HDAC9: variants seen among roughly 807,000 people sequenced by gnomAD.
The protein encoded by HDAC9 is histone deacetylase 9.
HDAC9 carries 41 observed loss-of-function variants against 139.4 expected under a neutral mutation model. The observed-to-expected ratio is 0.29, with a 90% CI of 0.23 to 0.38. The LOEUF is 0.38. HDAC9 is among the 10% of genes least tolerant of loss of function. The pLI is 1.00. For missense variants in HDAC9, 1,147 were observed against 1,297.0 expected (o/e 0.88, Z 1.78); for synonymous variants, 517 against 476.2 (o/e 1.09, Z -1.12).
chr7:18,179,310 C>G (rs564570234), intron 2 of HDAC9, among the ~76,000 whole-genome samples: 1 of 152,208 alleles, frequency 6.6e-6, no homozygotes, highest in Non-Finnish European at 1.5e-5. Flanking sequence ...TAGTTGATTG[C>G]AAACTCTCTG....
At chr7:18,409,089 T>G (rs1455099852) in intron 1 of HDAC9, among the ~76,000 whole-genome samples, 1 of 152,194 alleles carries the variant, frequency 6.6e-6, no homozygotes, top group East Asian at 1.9e-4. Flanking sequence ...AGCCCTGGAA[T>G]GTAGTTGCCT....
chr7:18,555,783 T>C (rs1353002973), intron 2 of HDAC9, among the ~76,000 whole-genome samples: 1 of 152,118 alleles, frequency 6.6e-6, no homozygotes, highest in African/African-American at 2.4e-5. Flanking sequence ...TAAATGTTCA[T>C]TAGTAACATA....
In HDAC9 at chr7:18,207,539, CTT is replaced by C. The variant is rs56690120; in HGVS notation, c.25+45207_25+45208del. ...CTCTCACCTCATCTGCCCAAGGAGT[CTT>C]TTTTTTTTTTTTTTTTGATTTGAGC... On this transcript the variant is annotated intron_variant, in intron 2 of 12. Transcript: ENST00000417496. Among the ~76,000 whole-genome samples the C allele has an allele frequency of 1.5e-4, 8 of 53,740 alleles. 1 individual carries two copies. In the East Asian group the frequency reaches 1.9e-3, roughly 13 times the overall value. The allele number at this position is 53,740 out of a possible 152,430, so 35.3% of individuals were successfully genotyped here.
chr7:18,873,752 G>A lies in HDAC9; in HGVS notation c.2685-726G>A, dbSNP rs922071657. Among the ~76,000 whole-genome samples the A allele has an allele frequency of 2.0e-5, 3 of 152,048 alleles. 1 individual carries two copies. The highest frequency in any genetic ancestry group is 2.0e-4 in the Admixed American group (3 of 15,242). On this transcript the variant is annotated intron_variant, in intron 21 of 25. Transcript: ENST00000686413. Reference sequence around the variant, plus strand: ...GTTAAAAATTTTATAAAGCCCAGTTGCATTCATTAGTCATTCTTTCTCAAA... The same window carrying A: ...GTTAAAAATTTTATAAAGCCCAGTTACATTCATTAGTCATTCTTTCTCAAA...
At chr7:18,345,223 C>G (rs1782313528) in intron 1 of HDAC9, among the ~76,000 whole-genome samples, 2 of 151,914 alleles carry the variant, frequency 1.3e-5, no homozygotes, top group African/African-American at 2.4e-5. Flanking sequence ...AATTTTCTTT[C>G]TTCTAGATAA....
At chr7:18,790,953 C>A (rs755286446) in intron 16 of HDAC9, among the ~76,000 whole-genome samples, 1 of 152,156 alleles carries the variant, frequency 6.6e-6, no homozygotes, top group Non-Finnish European at 1.5e-5. Context: ...TGAATGTTAA[C>A]TGAATTAAAA....
intron 1 of HDAC9, among the ~76,000 whole-genome samples, chr7:18,155,934 G>A (rs1361696444): frequency 6.6e-6 from 1 of 152,184 alleles, no homozygotes; most frequent in Non-Finnish European, 1.5e-5. Flanking sequence ...CTGCATTGCT[G>A]ATGTGGCTCT....
intron 1 of HDAC9, among the ~76,000 whole-genome samples, chr7:18,474,293 G>A (rs1332995732): frequency 2.6e-5 from 4 of 152,162 alleles, no homozygotes; most frequent in Non-Finnish European, 5.9e-5. Context: ...GTTTTTAGTT[G>A]TCTAGAAAAA....
intron 25 of HDAC9, among the ~76,000 whole-genome samples, chr7:18,976,731 A>C (rs1205638222): frequency 6.6e-6 from 1 of 152,224 alleles, no homozygotes; most frequent in Non-Finnish European, 1.5e-5. Context: ...CAAAGCCACC[A>C]TAAATGTACA....
intron 2 of HDAC9, among the ~76,000 whole-genome samples, chr7:18,283,131 GT>G (rs1797210849): frequency 6.6e-6 from 1 of 152,040 alleles, no homozygotes; most frequent in South Asian, 2.1e-4. Flanking sequence ...AAGAAAAGAG[GT>G]TTCATTGACT....
At chr7:18,980,244 G>T (rs952801379) in intron 25 of HDAC9, among the ~76,000 whole-genome samples, 19 of 152,032 alleles carry the variant, frequency 1.2e-4, no homozygotes, top group African/African-American at 4.1e-4. Flanking sequence ...TGTATTTTGG[G>T]GTTCAGTTCT....
intron 6 of HDAC9, among the ~76,000 whole-genome samples, chr7:18,619,901 C>T (rs1056424207): frequency 6.6e-6 from 1 of 152,154 alleles, no homozygotes; most frequent in African/African-American, 2.4e-5. Context: ...TCACTAAGCC[C>T]TGGAGGATCC....
intron 2 of HDAC9, among the ~76,000 whole-genome samples, chr7:18,521,405 T>A (rs1804980808): frequency 6.6e-6 from 1 of 152,220 alleles, no homozygotes; most frequent in African/African-American, 2.4e-5. Context: ...GGGAGATATC[T>A]CACTTAACCA....
chr7:18,309,158 T>C (rs1799132230), intron 1 of HDAC9, among the ~76,000 whole-genome samples: 1 of 151,876 alleles, frequency 6.6e-6, no homozygotes, highest in African/African-American at 2.4e-5. Context: ...TTGGGAGGAG[T>C]TGAAATAAAT....
chr7:18,684,494 A>G (rs1782121319), intron 12 of HDAC9, among the ~76,000 whole-genome samples: 1 of 151,620 alleles, frequency 6.6e-6, no homozygotes, highest in South Asian at 2.1e-4. Context: ...ACAAACAAAC[A>G]ATAAAACTAT....
upstream of HDAC9, among the ~76,000 whole-genome samples, chr7:18,493,087 A>G (rs1796485078): frequency 6.6e-6 from 1 of 151,984 alleles, no homozygotes; most frequent in Non-Finnish European, 1.5e-5. Flanking sequence ...CCTTTCCTGG[A>G]TCCTTTAAGA....
intron 12 of HDAC9, among the ~76,000 whole-genome samples, chr7:18,716,456 C>A (rs1784707610): frequency 6.6e-6 from 1 of 152,032 alleles, no homozygotes; most frequent in Non-Finnish European, 1.5e-5. Context: ...TTTTGTACTG[C>A]AGAAAAATAT....
At chr7:18,536,255 C>G (rs1010558213) in intron 2 of HDAC9, among the ~76,000 whole-genome samples, 1 of 152,132 alleles carries the variant, frequency 6.6e-6, no homozygotes, top group African/African-American at 2.4e-5. Context: ...GATGAAGCTC[C>G]AGTTGTCACT....
At chr7:18,773,744 T>C (rs1423963545) in intron 16 of HDAC9, among the ~76,000 whole-genome samples, 1 of 152,020 alleles carries the variant, frequency 6.6e-6, no homozygotes, top group Non-Finnish European at 1.5e-5. Context: ...TGTAGCAGCC[T>C]GAAATACAGC....
Sources: allele counts gnomAD v4.1 joint callset (sites outside exome capture counted in the v4.1 genomes callset), GRCh38; gene constraint gnomAD v4.1.1; transcripts MANE v1.5; gene names NCBI Gene and HGNC (gene_info 2026-07-23, HGNC 2026-07-21).